The following RBFOX1 variants were observed in gnomAD, a reference collection of about 807,000 sequenced individuals.
RBFOX1 encodes the protein RNA binding fox-1 homolog 1.
Under a neutral mutation model 57.7 loss-of-function variants are expected in RBFOX1, and 8 were observed. The ratio of observed to expected loss-of-function variants is 0.14; its 90% CI spans 0.08 to 0.25. RBFOX1 has a LOEUF of 0.25. RBFOX1 is among the 10% of genes least tolerant of loss of function. The pLI is 1.00. For missense variants in RBFOX1, 611 were observed against 548.5 expected (o/e 1.11, Z -1.14); for synonymous variants, 326 against 222.4 (o/e 1.47, Z -4.15).
At chr16:7,119,190 C>G (rs1320025238) in intron 4 of RBFOX1, among the ~76,000 whole-genome samples, 1 of 152,128 alleles carries the variant, frequency 6.6e-6, no homozygotes, top group East Asian at 1.9e-4. Context: ...CCACAGAAAT[C>G]CCACCCACAA....
intron 4 of RBFOX1, among the ~76,000 whole-genome samples, chr16:7,128,871 A>G (rs984406896): frequency 7.4e-6 from 1 of 135,522 alleles, no homozygotes. Context: ...GCCAGGCTGG[A>G]GTGCAGTGGT....
At chr16:7,651,009 G>T (rs1323795635) in intron 11 of RBFOX1, among the ~76,000 whole-genome samples, 1 of 152,172 alleles carries the variant, frequency 6.6e-6, no homozygotes, top group Non-Finnish European at 1.5e-5. Flanking sequence ...AAGAAACTCA[G>T]GTGCTAGGAG....
chr16:6,985,803 C>T (rs922375852), intron 3 of RBFOX1, among the ~76,000 whole-genome samples: 8 of 140,408 alleles, frequency 5.7e-5, no homozygotes, highest in South Asian at 2.2e-4. Flanking sequence ...TACTGCACTC[C>T]GGCCTGGGCC....
intron 4 of RBFOX1, among the ~76,000 whole-genome samples, chr16:7,456,677 G>A (rs989496141): frequency 3.9e-5 from 6 of 152,060 alleles, no homozygotes; most frequent in Admixed American, 6.5e-5. Context: ...ATCACCCAAC[G>A]GTCTTCCTGG....
chr16:5,937,605 T>C (rs542998102), intron 4 of RBFOX1, among the ~76,000 whole-genome samples: 11 of 150,708 alleles, frequency 7.3e-5, no homozygotes, highest in Admixed American at 2.0e-4. Context: ...CAGTTTTATA[T>C]ATATAGCTAC....
At chr16:7,430,617 G>A (rs942939399) in intron 4 of RBFOX1, among the ~76,000 whole-genome samples, 1 of 148,276 alleles carries the variant, frequency 6.7e-6, no homozygotes, top group Non-Finnish European at 1.5e-5. Context: ...CCAAGATTAT[G>A]CCACTGCACA....
At chr16:5,783,483 T>C (rs1013403760) in intron 3 of RBFOX1, among the ~76,000 whole-genome samples, 1 of 152,190 alleles carries the variant, frequency 6.6e-6, no homozygotes, top group Non-Finnish European at 1.5e-5. Flanking sequence ...ATATCAATAA[T>C]ATAGGAAAAG....
chr16:6,400,768 G>T (rs1002884822), intron 2 of RBFOX1, among the ~76,000 whole-genome samples: 1 of 152,070 alleles, frequency 6.6e-6, no homozygotes, highest in African/African-American at 2.4e-5. Flanking sequence ...CTTGGTGGGC[G>T]CTTGTAGTCC....
chr16:7,308,350 T>C (rs1037774416), intron 4 of RBFOX1, among the ~76,000 whole-genome samples: 1 of 149,560 alleles, frequency 6.7e-6, no homozygotes, highest in African/African-American at 2.4e-5. Context: ...CAGTAGCATA[T>C]TAACTTAATT....
chr16:5,648,579 A>G (rs958403214), intron 3 of RBFOX1, among the ~76,000 whole-genome samples: 6 of 152,120 alleles, frequency 3.9e-5, no homozygotes, highest in South Asian at 2.1e-4. Flanking sequence ...TCTGTGCCCT[A>G]TGATGCACAG....
Position 5,428,480 on chromosome 16 carries a change from T to G in RBFOX1, c.220-38736T>G, listed in dbSNP as rs1027666043. On this transcript the variant is annotated intron_variant, in intron 1 of 2. Coordinates refer to the RBFOX1 transcript ENST00000585867. ...GGAATTGCAGTGTGGCTGAGAGATATGCATTCTAGTAGAGGAAGCACAGAA... is the reference window on the plus strand; with the variant it reads ...GGAATTGCAGTGTGGCTGAGAGATAGGCATTCTAGTAGAGGAAGCACAGAA... Among the ~76,000 whole-genome samples the G allele has an allele frequency of 5.3e-5, 8 of 152,122 alleles. No individual in the cohort carries two copies. In the South Asian group the frequency reaches 1.4e-3, roughly 28 times the overall value.
chr16:6,737,912 T>G (rs1568410741), intron 3 of RBFOX1, among the ~76,000 whole-genome samples: 1 of 152,154 alleles, frequency 6.6e-6, no homozygotes, highest in Non-Finnish European at 1.5e-5. Context: ...AAGTTACATT[T>G]AAAAATTTGT....
intron 4 of RBFOX1, among the ~76,000 whole-genome samples, chr16:5,894,403 C>A (rs1042416533): frequency 6.6e-6 from 1 of 152,056 alleles, no homozygotes; most frequent in Non-Finnish European, 1.5e-5. Context: ...TTGCCTCAGC[C>A]TCCCAAGTAG....
At chr16:7,526,149 T>C (rs953577481) in intron 5 of RBFOX1, among the ~76,000 whole-genome samples, 2 of 152,198 alleles carry the variant, frequency 1.3e-5, no homozygotes, top group African/African-American at 4.8e-5. Flanking sequence ...TGTGTGCTCC[T>C]TATGAGAATC....
intron 4 of RBFOX1, among the ~76,000 whole-genome samples, chr16:7,150,440 C>G (rs761655803): frequency 3.3e-5 from 5 of 152,152 alleles, no homozygotes; most frequent in African/African-American, 1.2e-4. Flanking sequence ...GAATCACACT[C>G]CATTGTGCAA....
At chr16:6,005,517 G>T (rs1267981458) in intron 4 of RBFOX1, among the ~76,000 whole-genome samples, 3 of 152,204 alleles carry the variant, frequency 2.0e-5, no homozygotes, top group African/African-American at 7.2e-5. Flanking sequence ...GTGATACAAG[G>T]GTTTTCAACT....
Position 7,484,607 on chromosome 16 carries a change from C to T in RBFOX1, c.28-33540C>T, listed in dbSNP as rs368846700. On this transcript the variant is annotated intron_variant, in intron 4 of 15. Coordinates refer to ENST00000550418, the MANE Select transcript of RBFOX1 (RefSeq NM_018723.4). ...CCTCTTGAGTAGCTGCGACTACAGG[C>T]GCCCACTACCAGAGCTGGCTAATTT... Among the ~76,000 whole-genome samples the T allele has an allele frequency of 1.2e-3, 187 of 152,228 alleles. 1 individual carries two copies. The highest frequency in any genetic ancestry group is 4.2e-3 in the African/African-American group (176 of 41,540).
intron 2 of RBFOX1, among the ~76,000 whole-genome samples, chr16:6,629,661 G>A (rs1292945576): frequency 6.6e-6 from 1 of 152,044 alleles, no homozygotes; most frequent in Non-Finnish European, 1.5e-5. Flanking sequence ...AGATGACAAC[G>A]AGATTTTAAT....
chr16:7,008,620 C>CCCTCCCTCCCTT (rs2093437232), intron 3 of RBFOX1, among the ~76,000 whole-genome samples: 1 of 114,124 alleles, frequency 8.8e-6, no homozygotes, highest in Non-Finnish European at 1.8e-5. Flanking sequence ...GAAATTCCCT[C>CCCTCCCTCCCTT]CCTCCCTCCC....
Sources: allele counts gnomAD v4.1 joint callset (sites outside exome capture counted in the v4.1 genomes callset), GRCh38; gene constraint gnomAD v4.1.1; transcripts MANE v1.5; gene names NCBI Gene and HGNC (gene_info 2026-07-23, HGNC 2026-07-21).